The following BNC2 variants were observed in gnomAD, a reference collection of about 807,000 sequenced individuals.
BNC2 encodes the protein zinc finger protein basonuclin-2.
BNC2 carries 20 observed loss-of-function variants against 76.3 expected under a neutral mutation model. The ratio of observed to expected loss-of-function variants is 0.26; its 90% CI spans 0.18 to 0.38. The LOEUF (loss-of-function observed/expected upper bound fraction) is 0.38, where lower values mean the gene tolerates loss of function less well. Ranked by LOEUF, BNC2 falls within the 10% of genes least tolerant of loss-of-function variation. BNC2 has a pLI of 1.00. For missense variants in BNC2, 1,382 were observed against 1,399.8 expected, an observed-to-expected ratio of 0.99 and a Z score of 0.20; for synonymous variants, 582 against 514.8, an observed-to-expected ratio of 1.13 and a Z score of -1.77.
chr9:16,740,518 G>A (rs944145731), intron 1 of BNC2, among the ~76,000 whole-genome samples: 3 of 152,166 alleles, frequency 2.0e-5, no homozygotes, highest in Non-Finnish European at 4.4e-5. Flanking sequence ...AGACTGATAG[G>A]TATACAGAAT....
intron 4 of BNC2, among the ~76,000 whole-genome samples, chr9:16,570,892 G>C (rs1383013218): frequency 6.6e-6 from 1 of 152,092 alleles, no homozygotes. Context: ...GAAATAATGT[G>C]AATAAAGAAA....
intron 5 of BNC2, among the ~76,000 whole-genome samples, chr9:16,465,464 C>A (rs377477660): frequency 2.9e-5 from 4 of 137,358 alleles, no homozygotes; most frequent in Non-Finnish European, 6.2e-5. Context: ...GGTTAATAAC[C>A]GGTAGGGCCA....
intron 5 of BNC2, among the ~76,000 whole-genome samples, chr9:16,481,707 A>T (rs1822060731): frequency 6.6e-6 from 1 of 152,216 alleles, no homozygotes; most frequent in Non-Finnish European, 1.5e-5. Context: ...TATTTTTTAA[A>T]GCCAACAAGT....
intron 5 of BNC2, among the ~76,000 whole-genome samples, chr9:16,532,582 G>A (rs866767876): frequency 5.9e-5 from 9 of 152,150 alleles, no homozygotes; most frequent in South Asian, 2.1e-4. Flanking sequence ...GGAAATTTTG[G>A]GAGTTGGTGG....
chr9:16,609,253 G>T (rs1309442504), intron 3 of BNC2, among the ~76,000 whole-genome samples: 1 of 152,120 alleles, frequency 6.6e-6, no homozygotes, highest in Non-Finnish European at 1.5e-5. Flanking sequence ...TCTGTGCTGG[G>T]GATTGTATAC....
At chr9:16,520,645 A>C (rs902571377) in intron 5 of BNC2, among the ~76,000 whole-genome samples, 6 of 152,192 alleles carry the variant, frequency 3.9e-5, no homozygotes, top group African/African-American at 1.4e-4. Context: ...CTTTCATCCC[A>C]GCAGCCCAAT....
At chr9:16,731,476 T>A (rs3850446) in intron 2 of BNC2, among the ~76,000 whole-genome samples, 1 of 152,046 alleles carries the variant, frequency 6.6e-6, no homozygotes, top group African/African-American at 2.4e-5. Context: ...GAAATATACT[T>A]ACACAAAGTA....
intron 1 of BNC2, among the ~76,000 whole-genome samples, chr9:16,794,477 G>C (rs997705430): frequency 2.6e-5 from 4 of 152,096 alleles, no homozygotes; most frequent in Non-Finnish European, 5.9e-5. Flanking sequence ...AACAGGGTTG[G>C]CATTAAAATT....
At chr9:16,867,006 G>A (rs1819560460) in intron 1 of BNC2, among the ~76,000 whole-genome samples, 2 of 152,092 alleles carry the variant, frequency 1.3e-5, no homozygotes, top group Admixed American at 6.6e-5. Context: ...ATCAAGTTAA[G>A]AATCTATAAA....
intron 3 of BNC2, among the ~76,000 whole-genome samples, chr9:16,688,212 G>A (rs189031432): frequency 2.6e-4 from 39 of 152,194 alleles, no homozygotes; most frequent in Admixed American, 2.3e-3. Context: ...CTTTCAACAC[G>A]GAAAGGCAAA....
chr9:16,790,893 T>C (rs938791666), intron 1 of BNC2, among the ~76,000 whole-genome samples: 3 of 151,568 alleles, frequency 2.0e-5, no homozygotes, highest in East Asian at 1.9e-4. Context: ...CTTCATTTAT[T>C]TGATGCACTT....
intron 5 of BNC2, among the ~76,000 whole-genome samples, chr9:16,502,876 A>C (rs2131807202): frequency 6.6e-6 from 1 of 152,312 alleles, no homozygotes; most frequent in East Asian, 1.9e-4. Context: ...CAAAGGCATA[A>C]ATATCAGAAG....
At chr9:16,696,349 T>C (rs1376670952) in intron 3 of BNC2, among the ~76,000 whole-genome samples, 1 of 152,234 alleles carries the variant, frequency 6.6e-6, no homozygotes, top group Non-Finnish European at 1.5e-5. Flanking sequence ...GAATATTTTA[T>C]GTCTCTTGCA....
chr9:16,476,560 GTT>G (rs34107754), intron 5 of BNC2, among the ~76,000 whole-genome samples: 12,562 of 143,742 alleles, frequency 0.087, 591 homozygotes, highest in African/African-American at 0.14. Context: ...TGTGTGTGTT[GTT>G]TTTTTTAAAA....
At chr9:16,441,833 CAAAT>C (rs775654105) in intron 5 of BNC2, among the ~76,000 whole-genome samples, 4 of 152,018 alleles carry the variant, frequency 2.6e-5, no homozygotes, top group Admixed American at 2.0e-4. Flanking sequence ...TATAAATTGT[CAAAT>C]AAACTTTACA....
At chr9:16,503,068 T>C (rs1478487964) in intron 5 of BNC2, among the ~76,000 whole-genome samples, 1 of 152,098 alleles carries the variant, frequency 6.6e-6, no homozygotes, top group Non-Finnish European at 1.5e-5. Context: ...CTGAGATAAA[T>C]TTTCACATGA....
intron 1 of BNC2, among the ~76,000 whole-genome samples, chr9:16,749,409 T>C (rs920757027): frequency 1.3e-5 from 2 of 152,184 alleles, no homozygotes; most frequent in Admixed American, 6.5e-5. Flanking sequence ...ACATTCCAAA[T>C]GGGTGGGGGA....
chr9:16,598,350 T>C (rs911005523), intron 3 of BNC2, among the ~76,000 whole-genome samples: 1 of 152,236 alleles, frequency 6.6e-6, no homozygotes, highest in African/African-American at 2.4e-5. Flanking sequence ...AAAATGTCTA[T>C]TACTGAGTAT....
intron 4 of BNC2, among the ~76,000 whole-genome samples, chr9:16,573,959 C>G (rs768692462): frequency 1.8e-4 from 28 of 152,114 alleles, no homozygotes; most frequent in Non-Finnish European, 2.9e-4. Flanking sequence ...TGTACTTATC[C>G]AGCAATTTCA....
Sources: allele counts gnomAD v4.1 joint callset (sites outside exome capture counted in the v4.1 genomes callset), GRCh38; gene constraint gnomAD v4.1.1; transcripts MANE v1.5; gene names NCBI Gene and HGNC (gene_info 2026-07-23, HGNC 2026-07-21).